TTC7B: variants seen among roughly 807,000 people sequenced by gnomAD.
The protein encoded by TTC7B is tetratricopeptide repeat domain 7B.
A neutral mutation model predicts 106.8 loss-of-function variants in TTC7B; 28 were observed. That is an observed-to-expected ratio of 0.26 (90% confidence interval 0.19 to 0.36). The LOEUF is 0.36. TTC7B is among the 10% of genes least tolerant of loss of function. The pLI is 1.00. For synonymous variants in TTC7B, 405 were observed against 430.6 expected, an observed-to-expected ratio of 0.94 and a Z score of 0.74; for missense variants, 862 against 1,076.4, an observed-to-expected ratio of 0.80 and a Z score of 2.79.
intron 1 of TTC7B, among the ~76,000 whole-genome samples, chr14:90,809,810 G>C (rs2030801841): frequency 6.6e-6 from 1 of 152,226 alleles, no homozygotes; most frequent in African/African-American, 2.4e-5. Flanking sequence ...AAGAAGACAA[G>C]GCACATGCCA....
chr14:90,595,276 T>C (rs868569309), intron 17 of TTC7B, among the ~76,000 whole-genome samples: 2 of 152,198 alleles, frequency 1.3e-5, no homozygotes, highest in South Asian at 4.1e-4. Flanking sequence ...GAGCTTGCAG[T>C]GAGCCGAGGT....
intron 18 of TTC7B, among the ~76,000 whole-genome samples, chr14:90,581,656 C>T (rs1739812697): frequency 6.6e-6 from 1 of 152,172 alleles, no homozygotes; most frequent in South Asian, 2.1e-4. Context: ...CAGCCTCTCC[C>T]AGTTAGAGCA....
At chr14:90,791,716 G>A (rs1156388883) in intron 1 of TTC7B, among the ~76,000 whole-genome samples, 2 of 152,040 alleles carry the variant, frequency 1.3e-5, no homozygotes, top group Non-Finnish European at 2.9e-5. Flanking sequence ...TGGCAGTGCT[G>A]ATGGAAAATG....
At chr14:90,694,042 T>A (rs1226687022) in intron 6 of TTC7B, among the ~76,000 whole-genome samples, 1 of 152,228 alleles carries the variant, frequency 6.6e-6, no homozygotes. Flanking sequence ...AAAGAAATAC[T>A]GATCATGCTG....
At chr14:90,677,331 A>T (rs943824664) in intron 8 of TTC7B, among the ~76,000 whole-genome samples, 1 of 152,210 alleles carries the variant, frequency 6.6e-6, no homozygotes, top group Non-Finnish European at 1.5e-5. Flanking sequence ...ACTCAAGAGA[A>T]CACCGTCAAT....
intron 4 of TTC7B, among the ~76,000 whole-genome samples, chr14:90,734,488 G>A (rs190101209): frequency 6.6e-6 from 1 of 151,654 alleles, no homozygotes; most frequent in African/African-American, 2.4e-5. Context: ...TCTATAGGCT[G>A]CAATGAGCTA....
At chr14:90,675,776 A>C (rs1365200223) in intron 9 of TTC7B, 1 of 149,332 alleles carries the variant, frequency 6.7e-6, no homozygotes, top group Non-Finnish European at 1.5e-5. Flanking sequence ...AAGATAAATA[A>C]CATGGAAAAG....
Position 90,657,740 on chromosome 14 carries a change from C to A in TTC7B, c.1237-462G>T, listed in dbSNP as rs530646685. ...GAGTGTATACACAGCAAGGAGCGTG[C>A]CTCTAAACACCTCTGGTGTAGCATC... On this transcript the variant is annotated intron_variant, in intron 10 of 19. Coordinates refer to ENST00000328459, the MANE Select transcript of TTC7B (RefSeq NM_001010854.2). The surrounding 1 kb of genome is among the most constrained non-coding windows in gnomAD (Gnocchi z 4.2). 2 of 182,698 alleles carry A rather than the reference C, an allele frequency of 1.1e-5. No individual in the cohort carries two copies. Among genetic ancestry groups the A allele is most frequent in the African/African-American group, 4.7e-5 (2 of 42,144 alleles). 11.3% of individuals were successfully genotyped at this position (182,698 alleles called of 1,614,324 possible). A position where few individuals can be genotyped will look rare whatever the true frequency, so the allele number is the denominator to read the frequency against.
chr14:90,590,706 C>CT (rs1430685160), intron 18 of TTC7B, among the ~76,000 whole-genome samples: 1 of 152,190 alleles, frequency 6.6e-6, no homozygotes, highest in Non-Finnish European at 1.5e-5. Context: ...GCAGTGGAAA[C>CT]TGTCTTCTAA....
At position 90,525,148 on chromosome 14, in the gene TTC7B, C is replaced by G. The variant is rs78135322; in HGVS notation, c.*16220G>C. ...AGGCGCAATCACGGGTCTGCTTTCCCTCACTCTAGATTAGTCCACATTTTC... is the reference window on the plus strand; with the variant it reads ...AGGCGCAATCACGGGTCTGCTTTCCGTCACTCTAGATTAGTCCACATTTTC... On this transcript the variant is annotated 3_prime_UTR_variant, in exon 20 of 20. Transcript: ENST00000328459. 1,717 of 152,042 alleles carry G rather than the reference C, an allele frequency of 0.011. 76 individuals carry two copies. The East Asian group carries it at 0.16, about 14-fold the overall frequency. The allele number at this position is 152,042 out of a possible 1,614,324, so 9.4% of individuals were successfully genotyped here. A position where few individuals can be genotyped will look rare whatever the true frequency, so the allele number is the denominator to read the frequency against.
chr14:90,750,609 G>C (rs1890106613), intron 3 of TTC7B, among the ~76,000 whole-genome samples: 2 of 152,216 alleles, frequency 1.3e-5, no homozygotes, highest in African/African-American at 4.8e-5. Context: ...TCCACAGTGA[G>C]GAGAAACTAG....
intron 19 of TTC7B, among the ~76,000 whole-genome samples, chr14:90,555,558 C>A (rs1890266630): frequency 6.6e-6 from 1 of 152,202 alleles, no homozygotes; most frequent in South Asian, 2.1e-4. Context: ...GGCATGGGGA[C>A]AGCACGGCTC....
intron 5 of TTC7B, among the ~76,000 whole-genome samples, chr14:90,728,826 G>C (rs535451704): frequency 1.3e-4 from 20 of 152,364 alleles, no homozygotes; most frequent in African/African-American, 4.3e-4. Flanking sequence ...AGGAGGGCAA[G>C]GGCCGGGAGC....
In TTC7B at chr14:90,717,645, T is replaced by C. The variant is rs147254844; in HGVS notation, c.698+12430A>G. Among the ~76,000 whole-genome samples, 512 of 152,244 alleles carry C rather than the reference T, an allele frequency of 3.4e-3. 3 individuals carry two copies. Among genetic ancestry groups the C allele is most frequent in the African/African-American group, 0.011 (462 of 41,538 alleles). On this transcript the variant is annotated intron_variant, in intron 5 of 19. Coordinates refer to ENST00000328459, the MANE Select transcript of TTC7B (RefSeq NM_001010854.2). The stretch of plus-strand genomic sequence containing the variant: ...TTTCTCTAACAGTTGACTAAAAATA[T>C]CACTGCAAAAAAAGAATAGAGAGGA...
At chr14:90,766,593 T>C in intron 3 of TTC7B, 2 of 844,288 alleles carry the variant, frequency 2.4e-6, no homozygotes, top group South Asian at 2.6e-5. Context: ...CCATCATCGA[T>C]GGGCAGTGGA....
intron 5 of TTC7B, among the ~76,000 whole-genome samples, chr14:90,703,475 G>A (rs900737407): frequency 2.0e-5 from 3 of 152,040 alleles, no homozygotes; most frequent in Admixed American, 6.6e-5. Flanking sequence ...AGAGTGCAAC[G>A]TTCACTTCCA....
At chr14:90,644,978 G>C (rs886102095) in intron 14 of TTC7B, 2 of 152,222 alleles carry the variant, frequency 1.3e-5, no homozygotes, top group Non-Finnish European at 2.9e-5. Flanking sequence ...CACAAGGGTT[G>C]ATAAAATACA....
At chr14:90,584,657 C>CTCTGCGCCTGGTA (rs1566783433) in intron 18 of TTC7B, among the ~76,000 whole-genome samples, 1 of 152,052 alleles carries the variant, frequency 6.6e-6, no homozygotes, top group Non-Finnish European at 1.5e-5. Flanking sequence ...TCTTCTACCT[C>CTCTGCGCCTGGTA]ACCTGCGCCT....
chr14:90,623,850 G>A (rs528455329), intron 15 of TTC7B, among the ~76,000 whole-genome samples: 7 of 152,282 alleles, frequency 4.6e-5, no homozygotes, highest in South Asian at 2.1e-4. Context: ...GTGAAACCCC[G>A]TCTCTACTAA....
Sources: allele counts gnomAD v4.1 joint callset (sites outside exome capture counted in the v4.1 genomes callset), GRCh38; gene constraint gnomAD v4.1.1; non-coding constraint Gnocchi (gnomAD v3.1); transcripts MANE v1.5; gene names NCBI Gene and HGNC (gene_info 2026-07-23, HGNC 2026-07-21).